LMAN2L: variants seen among roughly 807,000 people sequenced by gnomAD.
The protein encoded by LMAN2L is VIP36-like protein.
In LMAN2L, 30 loss-of-function variants were observed where a neutral mutation model predicts 44.3. The ratio of observed to expected loss-of-function variants is 0.68; its 90% CI spans 0.51 to 0.92. LMAN2L has a LOEUF of 0.92. Among genes scored for constraint, LMAN2L ranks in the 40% least tolerant of loss-of-function variants. The probability of loss-of-function intolerance (pLI) is 0.00; values close to 1 mark genes in which losing one functional copy is unlikely to be tolerated. For synonymous variants in LMAN2L, 183 were observed against 171.1 expected (o/e 1.07, Z -0.54); for missense variants, 429 against 446.1 (o/e 0.96, Z 0.35).
chr2:96,737,007 A>T, intron 2 of LMAN2L: 1 of 349,750 alleles, frequency 2.9e-6, no homozygotes, highest in Non-Finnish European at 5.5e-6. Context: ...AAAGCCACGT[A>T]AAAAAGTAAG....
chr2:96,719,164 T>C (rs1427854367), intron 4 of LMAN2L, among the ~76,000 whole-genome samples: 1 of 152,164 alleles, frequency 6.6e-6, no homozygotes, highest in Non-Finnish European at 1.5e-5. Context: ...CAATACTTCT[T>C]GTTAATGAGA....
intron 4 of LMAN2L, among the ~76,000 whole-genome samples, chr2:96,715,186 C>T (rs2078015403): frequency 6.6e-6 from 1 of 152,194 alleles, no homozygotes; most frequent in African/African-American, 2.4e-5. Flanking sequence ...ATCTGCCCGT[C>T]TTGGCCTCCC....
At chr2:96,715,329 G>C (rs1205690541) in intron 4 of LMAN2L, among the ~76,000 whole-genome samples, 1 of 152,222 alleles carries the variant, frequency 6.6e-6, no homozygotes, top group African/African-American at 2.4e-5. Context: ...TCACAGCTTT[G>C]CAACTACAGA....
At chr2:96,730,952 C>A (rs937577444) in intron 4 of LMAN2L, among the ~76,000 whole-genome samples, 1 of 152,126 alleles carries the variant, frequency 6.6e-6, no homozygotes, top group Admixed American at 6.5e-5. Flanking sequence ...GGATTACAGG[C>A]ATGAGCCACT....
intron 4 of LMAN2L, among the ~76,000 whole-genome samples, chr2:96,729,705 A>G (rs2153332731): frequency 6.6e-6 from 1 of 152,148 alleles, no homozygotes; most frequent in Middle Eastern, 3.4e-3. Context: ...ACAGGGTTTC[A>G]CTATGTTGGC....
chr2:96,723,822 C>T (rs529802049), intron 4 of LMAN2L, among the ~76,000 whole-genome samples: 13 of 152,308 alleles, frequency 8.5e-5, no homozygotes, highest in Admixed American at 7.8e-4. Context: ...GGCACGGTGG[C>T]TCACGCCTGT....
At chr2:96,713,059 G>A (rs769255285) in intron 4 of LMAN2L, 3 of 1,500,800 alleles carry the variant, frequency 2.0e-6, no homozygotes, top group South Asian at 2.4e-5. Context: ...AATGTTGGAT[G>A]GACACATGGG....
chr2:96,725,687 T>C (rs1293840631), intron 4 of LMAN2L, among the ~76,000 whole-genome samples: 1 of 150,820 alleles, frequency 6.6e-6, no homozygotes, highest in African/African-American at 2.4e-5. Flanking sequence ...CCTTGTCATC[T>C]GCCCGCCTCA....
At chr2:96,730,693 G>C (rs1219600782) in intron 4 of LMAN2L, among the ~76,000 whole-genome samples, 1 of 150,526 alleles carries the variant, frequency 6.6e-6, no homozygotes, top group Admixed American at 6.6e-5. Flanking sequence ...TTTTTTTTGA[G>C]ATGGAGTTTC....
intron 6 of LMAN2L, among the ~76,000 whole-genome samples, chr2:96,709,307 A>G (rs537734157): frequency 6.6e-6 from 1 of 152,214 alleles, no homozygotes; most frequent in East Asian, 1.9e-4. Flanking sequence ...TCTTTACATA[A>G]ACCCAGAAGT....
rs1332535117 is a variant in LMAN2L at position 96,732,643 on chromosome 2, C to CA, written c.507+875dup. On this transcript the variant is annotated intron_variant, in intron 4 of 7. Transcript: ENST00000264963. ...TGGGCGACAGAGTGAGACTCTGTCT[C>CA]AAAAAAAAAAAATTAAAAAAAAAAA... 1.5e-3 allele frequency among the ~76,000 whole-genome samples: 127 copies of CA among 81,940 alleles called. 1 individual carries two copies. The highest frequency in any genetic ancestry group is 9.8e-3 in the Admixed American group (68 of 6,942). 53.8% of individuals were successfully genotyped at this position (81,940 alleles called of 152,430 possible).
At chr2:96,730,771 T>G (rs952599042) in intron 4 of LMAN2L, among the ~76,000 whole-genome samples, 2 of 152,088 alleles carry the variant, frequency 1.3e-5, no homozygotes, top group African/African-American at 4.8e-5. Flanking sequence ...ACCTTCCAGG[T>G]TCAAGCGATT....
intron 4 of LMAN2L, among the ~76,000 whole-genome samples, chr2:96,730,307 C>T (rs775144711): frequency 1.3e-5 from 2 of 152,100 alleles, no homozygotes; most frequent in Non-Finnish European, 2.9e-5. Context: ...GACTACAAAT[C>T]CAGTCATGAT....
chr2:96,738,020 T>C lies in LMAN2L; in HGVS notation c.235A>G (p.Met79Val), dbSNP rs900537487. The C allele has an allele frequency of 1.7e-5, 28 of 1,614,004 alleles. No homozygotes were observed. Among genetic ancestry groups the C allele is most frequent in the Non-Finnish European group, 2.3e-5 (27 of 1,179,990 alleles). ...AGGCGGATATACTGGGTCATCACCA[T>C]GGCATTGCCCATCAGATTCCACAGT... is the stretch of plus-strand genomic sequence containing the variant. ...SSLWNLMGNA[M>V]VMTQYIRLTP... Residue 79 changes from methionine (M) to valine (V), a missense_variant, in exon 2 of 8, where the codon ATG (methionine) becomes GTG (valine). Met to Val is a conservative substitution (Grantham distance 21, BLOSUM62 1). Transcript: ENST00000264963.
At position 96,734,384 on chromosome 2, in the gene LMAN2L, C is replaced by T. The variant is rs768005441; in HGVS notation, c.424+25G>A. On this transcript the variant is annotated intron_variant, in intron 3 of 7. Coordinates refer to ENST00000264963, the MANE Select transcript of LMAN2L (RefSeq NM_030805.4). ...GAAAAATCAGGCTGTCACACCCACA[C>T]AAGAGTAACACAGGCTCCCAATACC... The T allele has an allele frequency of 2.8e-6, 4 of 1,403,902 alleles. No homozygotes were observed. In the East Asian group the frequency reaches 6.8e-5, roughly 24 times the overall value. 87.0% of individuals were successfully genotyped at this position (1,403,902 alleles called of 1,614,324 possible).
chr2:96,721,326 CTTTTTTTTTT>C (rs56023035), intron 4 of LMAN2L, among the ~76,000 whole-genome samples: 3 of 84,600 alleles, frequency 3.5e-5, no homozygotes, highest in East Asian at 3.4e-4. Context: ...TTCTTTCAGT[CTTTTTTTTTT>C]TTTTTTTTTT....
At chr2:96,726,112 A>T (rs944197929) in intron 4 of LMAN2L, among the ~76,000 whole-genome samples, 8 of 151,872 alleles carry the variant, frequency 5.3e-5, no homozygotes, top group Admixed American at 1.3e-4. Context: ...AACCTGTGTG[A>T]CAGAGCAAGA....
chr2:96,714,718 TA>T (rs1409587239), intron 4 of LMAN2L, among the ~76,000 whole-genome samples: 2 of 152,196 alleles, frequency 1.3e-5, no homozygotes, highest in African/African-American at 4.8e-5. Context: ...AGCAATCTCC[TA>T]TGTTAGCTTG....
chr2:96,720,645 A>G (rs1192207611), intron 4 of LMAN2L, among the ~76,000 whole-genome samples: 1 of 152,086 alleles, frequency 6.6e-6, no homozygotes, highest in East Asian at 1.9e-4. Context: ...AACATTAAAA[A>G]ATAACTACAA....
Sources: allele counts gnomAD v4.1 joint callset (sites outside exome capture counted in the v4.1 genomes callset), GRCh38; gene constraint gnomAD v4.1.1; transcripts MANE v1.5; gene names NCBI Gene and HGNC (gene_info 2026-07-23, HGNC 2026-07-21).